TMEM117: variants seen among roughly 807,000 people sequenced by gnomAD.
The protein encoded by TMEM117 is transmembrane protein 117.
In TMEM117, 27 loss-of-function variants were observed where a neutral mutation model predicts 52.4. The ratio of observed to expected loss-of-function variants is 0.51; its 90% CI spans 0.38 to 0.71. TMEM117 has a LOEUF of 0.71. Among genes scored for constraint, TMEM117 ranks in the 30% least tolerant of loss-of-function variants. The pLI is 0.00. For synonymous variants in TMEM117, 215 were observed against 206.3 expected (o/e 1.04, Z -0.36); for missense variants, 556 against 630.5 (o/e 0.88, Z 1.26).
intron 2 of TMEM117, among the ~76,000 whole-genome samples, chr12:43,925,817 T>C (rs535698828): frequency 3.3e-5 from 5 of 152,332 alleles, no homozygotes; most frequent in Admixed American, 3.3e-4. Flanking sequence ...TTGACCCTCG[T>C]GTACCATCAT....
At position 44,049,554 on chromosome 12, in the gene TMEM117, TA is replaced by T. The variant is rs397940837; in HGVS notation, c.411-93957del. On this transcript the variant is annotated intron_variant, in intron 3 of 7. Transcript: ENST00000266534. ...GAACTTCAAGTAAAATAAAAAACAT[TA>T]AAAAAAAAAAAAAGAAATGCCTGGG... 4.1e-3 allele frequency among the ~76,000 whole-genome samples: 563 copies of T among 137,634 alleles called. 2 individuals are homozygous for T. The highest frequency in any genetic ancestry group is 7.2e-3 in the Middle Eastern group (2 of 276). 90.3% of individuals were successfully genotyped at this position (137,634 alleles called of 152,430 possible). A position where few individuals can be genotyped will look rare whatever the true frequency, so the allele number is the denominator to read the frequency against.
At chr12:43,851,194 AAG>A (rs1203738849) in intron 2 of TMEM117, among the ~76,000 whole-genome samples, 1 of 152,186 alleles carries the variant, frequency 6.6e-6, no homozygotes, top group Non-Finnish European at 1.5e-5. Context: ...ATGTGTGAGA[AAG>A]AGTGAATGAT....
At chr12:43,835,880 T>G (rs1232738539), upstream of TMEM117, 1 of 151,922 alleles carries the variant, frequency 6.6e-6, no homozygotes, top group Non-Finnish European at 1.5e-5. Flanking sequence ...TGCCTCCAGC[T>G]GCAGAGGTTG....
intron 7 of TMEM117, among the ~76,000 whole-genome samples, chr12:44,381,112 A>G (rs1439848940): frequency 6.6e-6 from 1 of 152,172 alleles, no homozygotes; most frequent in Non-Finnish European, 1.5e-5. Flanking sequence ...TTGCTGCAGT[A>G]TGTATGAGCT....
intron 3 of TMEM117, among the ~76,000 whole-genome samples, chr12:44,056,578 A>G (rs1463378844): frequency 6.6e-6 from 1 of 152,152 alleles, no homozygotes; most frequent in East Asian, 1.9e-4. Flanking sequence ...AAATGTGTCA[A>G]CTTTGGAAGG....
intron 2 of TMEM117, among the ~76,000 whole-genome samples, chr12:43,928,091 C>A (rs982695365): frequency 6.6e-6 from 1 of 151,840 alleles, no homozygotes; most frequent in Non-Finnish European, 1.5e-5. Flanking sequence ...ATTTTAGTGG[C>A]TACCCTTGAT....
intron 3 of TMEM117, among the ~76,000 whole-genome samples, chr12:43,983,387 G>A (rs1156905740): frequency 6.6e-6 from 1 of 152,002 alleles, no homozygotes; most frequent in Non-Finnish European, 1.5e-5. Flanking sequence ...TGAGGAAGAG[G>A]GCCATGTAGG....
chr12:43,858,882 G>A (rs1046470664), intron 2 of TMEM117, among the ~76,000 whole-genome samples: 1 of 152,174 alleles, frequency 6.6e-6, no homozygotes, highest in Non-Finnish European at 1.5e-5. Flanking sequence ...AAAGCACCAG[G>A]TGCCATGAGC....
chr12:44,220,746 C>T lies in TMEM117; in HGVS notation c.608+9359C>T, dbSNP rs190633552. Among the ~76,000 whole-genome samples the T allele has an allele frequency of 5.3e-5, 8 of 152,154 alleles. No homozygotes were observed. The East Asian group carries it at 1.5e-3, about 29-fold the overall frequency. ...AGAAAGTAAGGAAGTGTTCAAAAAA[C>T]AGAATGATGGAGCATTTCAAAGGGA... is the stretch of plus-strand genomic sequence containing the variant. On this transcript the variant is annotated intron_variant, in intron 5 of 7. Coordinates refer to ENST00000266534, the MANE Select transcript of TMEM117 (RefSeq NM_032256.3).
chr12:44,327,009 A>G (rs113035208), intron 6 of TMEM117, among the ~76,000 whole-genome samples: 3 of 152,338 alleles, frequency 2.0e-5, no homozygotes, highest in African/African-American at 7.2e-5. Context: ...GACCTAATAC[A>G]AAAGATAAGT....
chr12:44,323,134 T>C (rs1951153897), intron 6 of TMEM117, among the ~76,000 whole-genome samples: 1 of 152,084 alleles, frequency 6.6e-6, no homozygotes, highest in Non-Finnish European at 1.5e-5. Flanking sequence ...CTACAATCAA[T>C]AAAAGGCAAA....
intron 6 of TMEM117, among the ~76,000 whole-genome samples, chr12:44,337,233 T>C (rs964437065): frequency 1.3e-5 from 2 of 152,012 alleles, no homozygotes; most frequent in Non-Finnish European, 2.9e-5. Context: ...GCTTCCAAGA[T>C]GGCATGTTGT....
chr12:44,291,417 C>T (rs1950704188), intron 5 of TMEM117, among the ~76,000 whole-genome samples: 1 of 90,448 alleles, frequency 1.1e-5, no homozygotes, highest in Non-Finnish European at 2.1e-5. Flanking sequence ...TTTAGGGTTT[C>T]CTGTATGTAA....
intron 6 of TMEM117, among the ~76,000 whole-genome samples, chr12:44,361,354 G>A (rs142906407): frequency 6.6e-6 from 1 of 152,248 alleles, no homozygotes; most frequent in East Asian, 1.9e-4. Context: ...CTCAGAGCTT[G>A]AATGAGGAAT....
intron 2 of TMEM117, among the ~76,000 whole-genome samples, chr12:43,931,922 C>T (rs1467782422): frequency 6.6e-6 from 1 of 152,190 alleles, no homozygotes; most frequent in Non-Finnish European, 1.5e-5. Flanking sequence ...TGAGCTTACA[C>T]TTTTATTTTC....
chr12:44,289,645 C>T (rs555900843), intron 5 of TMEM117, among the ~76,000 whole-genome samples: 2 of 149,538 alleles, frequency 1.3e-5, no homozygotes, highest in South Asian at 2.1e-4. Flanking sequence ...CTCCGCCTCT[C>T]AGGTTCAAGC....
At chr12:43,885,930 C>T (rs1345522145) in intron 2 of TMEM117, among the ~76,000 whole-genome samples, 2 of 152,136 alleles carry the variant, frequency 1.3e-5, no homozygotes, top group Non-Finnish European at 1.5e-5. Context: ...AGACATTTTA[C>T]TATGAAACAG....
chr12:44,388,234 G>T lies in TMEM117; in HGVS notation c.1107G>T (p.Arg369=). 7 of 1,613,422 alleles carry T rather than the reference G, an allele frequency of 4.3e-6. No individual in the cohort carries two copies. The highest frequency in any genetic ancestry group is 5.9e-6 in the Non-Finnish European group (7 of 1,179,612). The change falls in exon 8 of 8, where the codon CGG becomes CGT. Residue 369 remains arginine (R), a synonymous_variant. Transcript: ENST00000266534. ...GGAGGTCCAATCACACTAACCCTCG[G>T]ACTAATAAAACATATGTTGAGGGAG... ...WEWRSNHTNP[R]TNKTYVEGDM... is the part of the protein sequence containing the mutation.
At chr12:44,158,116 A>G (rs1360774474) in intron 4 of TMEM117, among the ~76,000 whole-genome samples, 1 of 152,136 alleles carries the variant, frequency 6.6e-6, no homozygotes, top group African/African-American at 2.4e-5. Context: ...AAGGAAAGGG[A>G]GTTTGGGCCA....
Sources: gnomAD v4.1 joint callset for allele counts (sites outside exome capture counted in the v4.1 genomes callset) on GRCh38, gnomAD v4.1.1 for gene constraint, MANE v1.5 for transcripts, NCBI Gene and HGNC (gene_info 2026-07-23, HGNC 2026-07-21) for gene names.